The following IGF2BP3 variants were observed in gnomAD, a reference collection of about 807,000 sequenced individuals.
IGF2BP3 encodes the protein insulin-like growth factor 2 mRNA-binding protein 3.
In IGF2BP3, 9 loss-of-function variants were observed where a neutral mutation model predicts 73.8. That is an observed-to-expected ratio of 0.12 (90% confidence interval 0.07 to 0.21). The LOEUF (loss-of-function observed/expected upper bound fraction) is 0.21. IGF2BP3 is among the 10% of genes least tolerant of loss of function. The pLI is 1.00. For synonymous variants in IGF2BP3, 258 were observed against 256.7 expected (o/e 1.01, Z -0.05); for missense variants, 542 against 714.0 (o/e 0.76, Z 2.75).
intron 2 of IGF2BP3, among the ~76,000 whole-genome samples, chr7:23,434,543 C>T (rs1185186588): frequency 2.0e-5 from 3 of 152,166 alleles, no homozygotes; most frequent in African/African-American, 4.8e-5. Context: ...CTCAGTTTCA[C>T]GCACTCTGAG....
intron 3 of IGF2BP3, among the ~76,000 whole-genome samples, chr7:23,407,478 G>A (rs1220345821): frequency 6.6e-5 from 10 of 151,632 alleles, no homozygotes; most frequent in South Asian, 2.1e-4. Context: ...GCATGGTGGC[G>A]CATGTCTGTA....
In IGF2BP3 at chr7:23,468,466, A is replaced by G; in HGVS notation, c.236+16T>C. ...GAGTGAGAACAGAATCGGGGCAAAC[A>G]GAAGCAGCAGCTCACCTTTGCCTTT... On this transcript the variant is annotated intron_variant, in intron 2 of 14. Transcript: ENST00000258729. 1 of 1,614,026 alleles carries G rather than the reference A, an allele frequency of 6.2e-7. No homozygotes were observed. Among genetic ancestry groups the G allele is most frequent in the South Asian group, 1.1e-5 (1 of 91,080 alleles).
At chr7:23,351,185 A>G in intron 6 of IGF2BP3, 120 bp downstream of exon 6, 1 of 1,013,484 alleles carries the variant, frequency 9.9e-7, no homozygotes. Flanking sequence ...ATTCCCAAGT[A>G]CTGTACAAGG....
At chr7:23,425,970 AAAAC>A (rs1273649339) in intron 2 of IGF2BP3, among the ~76,000 whole-genome samples, 2 of 139,290 alleles carry the variant, frequency 1.4e-5, no homozygotes, top group East Asian at 4.0e-4. Flanking sequence ...TATCTCAAAA[AAAAC>A]AAACAAAAAA....
intron 3 of IGF2BP3, among the ~76,000 whole-genome samples, chr7:23,412,842 C>CT (rs557467066): frequency 0.016 from 579 of 37,038 alleles, 158 homozygotes; most frequent in East Asian, 0.034. Flanking sequence ...AGACTCTGGC[C>CT]TTTTTTTTTT....
chr7:23,428,404 G>A (rs1274489214), intron 2 of IGF2BP3, among the ~76,000 whole-genome samples: 8 of 151,798 alleles, frequency 5.3e-5, no homozygotes, highest in South Asian at 2.1e-4. Context: ...CTCGGGAGGC[G>A]GAGGTTGTAG....
At chr7:23,398,462 G>T (rs1786550862) in intron 3 of IGF2BP3, among the ~76,000 whole-genome samples, 1 of 152,148 alleles carries the variant, frequency 6.6e-6, no homozygotes, top group Admixed American at 6.5e-5. Context: ...GGTATTTCTA[G>T]TTCTAGATCC....
intron 6 of IGF2BP3, among the ~76,000 whole-genome samples, chr7:23,349,298 T>G (rs1051795330): frequency 2.6e-5 from 4 of 152,208 alleles, no homozygotes; most frequent in Admixed American, 6.5e-5. Context: ...GATTTGGCTT[T>G]CATTTTCCTA....
intron 3 of IGF2BP3, among the ~76,000 whole-genome samples, chr7:23,383,136 C>G (rs538406564): frequency 6.6e-6 from 1 of 152,080 alleles, no homozygotes; most frequent in East Asian, 1.9e-4. Flanking sequence ...GTATTAAAGA[C>G]TAGTTTATCA....
chr7:23,462,463 G>A (rs1168290209), intron 2 of IGF2BP3, among the ~76,000 whole-genome samples: 1 of 151,528 alleles, frequency 6.6e-6, no homozygotes. Flanking sequence ...CCAGGTTCAC[G>A]CCATTCTCCT....
At chr7:23,362,929 A>C (rs546848735) in intron 3 of IGF2BP3, among the ~76,000 whole-genome samples, 1 of 151,468 alleles carries the variant, frequency 6.6e-6, no homozygotes, top group African/African-American at 2.4e-5. Flanking sequence ...AATTTTTAAA[A>C]TTTTTTGTAG....
At chr7:23,458,543 ACCACAATCAG>A (rs553426844) in intron 2 of IGF2BP3, among the ~76,000 whole-genome samples, 40 of 152,168 alleles carry the variant, frequency 2.6e-4, no homozygotes, top group Non-Finnish European at 3.8e-4. Context: ...ATCCCCAGGA[ACCACAATCAG>A]CCTCCTGAGA....
chr7:23,458,102 G>T (rs1788363276), intron 2 of IGF2BP3, among the ~76,000 whole-genome samples: 1 of 152,140 alleles, frequency 6.6e-6, no homozygotes, highest in Non-Finnish European at 1.5e-5. Context: ...ACTACTGGGT[G>T]ACGTTGTATT....
Position 23,412,842 on chromosome 7 carries a change from C to CTTTTTTTTTTTTTTTTTTTT in IGF2BP3, c.285+5914_285+5933dup, listed in dbSNP as rs557467066. On this transcript the variant is annotated intron_variant, in intron 3 of 14. Transcript: ENST00000258729. The stretch of plus-strand genomic sequence containing the variant: ...GAAATCCTTTCCTTAAGACTCTGGC[C>CTTTTTTTTTTTTTTTTTTTT]TTTTTTTTTTTTTTTTTTTTTTTTT... Among the ~76,000 whole-genome samples, 3 of 36,978 alleles carry CTTTTTTTTTTTTTTTTTTTT rather than the reference C, an allele frequency of 8.1e-5. 1 individual carries two copies. Among genetic ancestry groups the CTTTTTTTTTTTTTTTTTTTT allele is most frequent in the African/African-American group, 2.2e-4 (2 of 9,146 alleles). 24.3% of individuals were successfully genotyped at this position (36,978 alleles called of 152,430 possible).
chr7:23,468,532 T>A lies in IGF2BP3; in HGVS notation c.186A>T (p.Glu62Asp). 6.2e-7 allele frequency: 1 copy of A among 1,614,146 alleles called. No individual in the cohort carries two copies. The highest frequency in any genetic ancestry group is 8.5e-7 in the Non-Finnish European group (1 of 1,180,004). The change falls in exon 2 of 15, where the codon GAA (glutamate) becomes GAT (aspartate). Residue 62 changes from glutamate to aspartate, a missense_variant. Physicochemically the swap from Glu to Asp is conservative, Grantham distance 45. Coordinates refer to ENST00000258729, the MANE Select transcript of IGF2BP3 (RefSeq NM_006547.3). ...CAACTTCTATGGGTTTCCCGTGCAGTTCTATTTTACCTGCGGACACACAAG... is the reference window on the plus strand; with the variant it reads ...CAACTTCTATGGGTTTCCCGTGCAGATCTATTTTACCTGCGGACACACAAG... ...KAIEALSGKIELHGKPIEVEH... is the reference protein window; with the variant it reads ...KAIEALSGKIDLHGKPIEVEH...
chr7:23,360,757 G>A (rs925357241), intron 5 of IGF2BP3, among the ~76,000 whole-genome samples: 4 of 152,174 alleles, frequency 2.6e-5, no homozygotes, highest in African/African-American at 4.8e-5. Context: ...TGACACAGAG[G>A]ACAGTCAGCC....
At chr7:23,332,999 T>C (rs562570192) in intron 10 of IGF2BP3, among the ~76,000 whole-genome samples, 1 of 152,376 alleles carries the variant, frequency 6.6e-6, no homozygotes, top group East Asian at 1.9e-4. Flanking sequence ...ACCTAATGTG[T>C]AACTTTCCCA....
intron 2 of IGF2BP3, among the ~76,000 whole-genome samples, chr7:23,422,191 A>G (rs1787369072): frequency 1.3e-5 from 2 of 152,200 alleles, no homozygotes; most frequent in African/African-American, 4.8e-5. Flanking sequence ...TATTACCAAA[A>G]AATTTTCCCA....
rs371402943 is a variant in IGF2BP3 at position 23,332,368 on chromosome 7, C to G, written c.1203+9696G>C. On this transcript the variant is annotated intron_variant, in intron 10 of 14. Transcript: ENST00000258729. ...TACTAAATTTGTACCATATTGTTTA[C>G]AACTTGGCAAAGTTCTCTGGCATAC... Among the ~76,000 whole-genome samples the G allele has an allele frequency of 4.9e-4, 74 of 152,336 alleles. No individual in the cohort carries two copies. The East Asian group carries it at 0.014, about 29-fold the overall frequency.
Sources: allele counts gnomAD v4.1 joint callset (sites outside exome capture counted in the v4.1 genomes callset), GRCh38; gene constraint gnomAD v4.1.1; transcripts MANE v1.5; gene names NCBI Gene and HGNC (gene_info 2026-07-23, HGNC 2026-07-21).